The following LRRTM4 variants were observed in gnomAD, a reference collection of about 807,000 sequenced individuals.
The protein encoded by LRRTM4 is leucine-rich repeat transmembrane neuronal protein 4.
A neutral mutation model predicts 47.6 loss-of-function variants in LRRTM4; 25 were observed. The observed-to-expected ratio is 0.53, with a 90% CI of 0.38 to 0.73. The LOEUF is 0.73. Ranked by LOEUF, LRRTM4 falls within the 30% of genes least tolerant of loss-of-function variation. LRRTM4 has a pLI of 0.00. For synonymous variants in LRRTM4, 311 were observed against 269.5 expected, an observed-to-expected ratio of 1.15 and a Z score of -1.51; for missense variants, 638 against 713.4, an observed-to-expected ratio of 0.89 and a Z score of 1.20.
At chr2:76,802,722 G>T (rs1254392063) in intron 3 of LRRTM4, among the ~76,000 whole-genome samples, 1 of 151,990 alleles carries the variant, frequency 6.6e-6, no homozygotes, top group African/African-American at 2.4e-5. Context: ...ATACTACAAA[G>T]CTATACTAAT....
chr2:76,808,175 G>A (rs992047366), intron 3 of LRRTM4, among the ~76,000 whole-genome samples: 5 of 151,128 alleles, frequency 3.3e-5, no homozygotes, highest in African/African-American at 7.3e-5. Flanking sequence ...CGCCCGCCAC[G>A]ACGCCAGGCT....
chr2:77,199,341 GC>G (rs1244644784), intron 3 of LRRTM4, among the ~76,000 whole-genome samples: 1 of 152,018 alleles, frequency 6.6e-6, no homozygotes, highest in East Asian at 1.9e-4. Context: ...GTCAAGAATT[GC>G]CCCAAATCAA....
At chr2:77,062,624 G>A (rs577208705) in intron 3 of LRRTM4, among the ~76,000 whole-genome samples, 17 of 152,288 alleles carry the variant, frequency 1.1e-4, no homozygotes, top group African/African-American at 3.8e-4. Flanking sequence ...CTAGAATAGA[G>A]GAGGAGAGGC....
chr2:76,783,867 G>C (rs1027136241), intron 3 of LRRTM4, among the ~76,000 whole-genome samples: 1 of 152,070 alleles, frequency 6.6e-6, no homozygotes, highest in Non-Finnish European at 1.5e-5. Flanking sequence ...AGAGTAAGAT[G>C]GGAGAAGAAT....
chr2:77,131,150 A>G (rs1000566283), intron 3 of LRRTM4, among the ~76,000 whole-genome samples: 34 of 151,912 alleles, frequency 2.2e-4, no homozygotes, highest in Non-Finnish European at 4.3e-4. Flanking sequence ...TATTTTTATT[A>G]TTATTTTATT....
intron 3 of LRRTM4, among the ~76,000 whole-genome samples, chr2:77,444,950 T>TACAC (rs61072638): frequency 1.8e-5 from 2 of 110,430 alleles, no homozygotes; most frequent in Admixed American, 8.9e-5. Context: ...CACACACACA[T>TACAC]ACACACACAC....
chr2:76,918,248 G>A (rs990707721), intron 3 of LRRTM4, among the ~76,000 whole-genome samples: 1 of 151,970 alleles, frequency 6.6e-6, no homozygotes, highest in Non-Finnish European at 1.5e-5. Flanking sequence ...TGCTAAAAAA[G>A]GATTAAAATC....
chr2:77,325,879 T>A (rs1194175330), intron 3 of LRRTM4, among the ~76,000 whole-genome samples: 1 of 152,156 alleles, frequency 6.6e-6, no homozygotes, highest in Non-Finnish European at 1.5e-5. Context: ...CAGGACACAT[T>A]ATCCCAAATA....
intron 3 of LRRTM4, among the ~76,000 whole-genome samples, chr2:77,206,612 G>A (rs1674134269): frequency 6.6e-6 from 1 of 151,968 alleles, no homozygotes. Flanking sequence ...AGCCTCCCGA[G>A]TAGCTGGGAC....
At chr2:77,258,433 A>G (rs1480731787) in intron 3 of LRRTM4, among the ~76,000 whole-genome samples, 1 of 152,044 alleles carries the variant, frequency 6.6e-6, no homozygotes, top group African/African-American at 2.4e-5. Flanking sequence ...ATAGAACTAT[A>G]ATCACATTTT....
intron 3 of LRRTM4, among the ~76,000 whole-genome samples, chr2:76,854,195 T>C (rs1449378638): frequency 6.6e-6 from 1 of 152,138 alleles, no homozygotes; most frequent in Non-Finnish European, 1.5e-5. Flanking sequence ...TTATCCACTG[T>C]TAGAAATTTA....
chr2:76,968,055 T>C (rs1676086790), intron 3 of LRRTM4, among the ~76,000 whole-genome samples: 1 of 151,294 alleles, frequency 6.6e-6, no homozygotes, highest in African/African-American at 2.4e-5. Context: ...AAGGTATAAG[T>C]AAGCAAAATG....
At chr2:77,223,059 A>T (rs1288405883) in intron 3 of LRRTM4, among the ~76,000 whole-genome samples, 1 of 152,216 alleles carries the variant, frequency 6.6e-6, no homozygotes, top group East Asian at 1.9e-4. Context: ...CAACATACGA[A>T]AATCAATAAA....
intron 3 of LRRTM4, among the ~76,000 whole-genome samples, chr2:77,463,688 C>G (rs1024676480): frequency 3.3e-5 from 5 of 152,030 alleles, no homozygotes; most frequent in South Asian, 2.1e-4. Context: ...TTACATTCCT[C>G]CTAGTTCAAC....
chr2:76,933,494 G>A (rs1183008788), intron 3 of LRRTM4, among the ~76,000 whole-genome samples: 1 of 151,992 alleles, frequency 6.6e-6, no homozygotes, highest in Non-Finnish European at 1.5e-5. Context: ...TAGAATTGGG[G>A]TATGTAAAAA....
In LRRTM4 at chr2:77,310,904, TGA is replaced by T. The variant is rs150190321; in HGVS notation, c.1551+207412_1551+207413del. 8.0e-3 allele frequency among the ~76,000 whole-genome samples: 1,215 copies of T among 152,100 alleles called. 12 individuals carry two copies. The highest frequency in any genetic ancestry group is 0.028 in the African/African-American group (1,162 of 41,466). On this transcript the variant is annotated intron_variant, in intron 3 of 3. Coordinates refer to ENST00000409884, the MANE Select transcript of LRRTM4 (RefSeq NM_001134745.3). Reference sequence around the variant, plus strand: ...ATATTGTGAGTGTGGTGTGTGTGTGTGAGATATATTTACACACATACACACAC... The same window carrying T: ...ATATTGTGAGTGTGGTGTGTGTGTGTGATATATTTACACACATACACACAC...
intron 3 of LRRTM4, among the ~76,000 whole-genome samples, chr2:76,825,816 C>G (rs1191037853): frequency 6.6e-6 from 1 of 151,308 alleles, no homozygotes; most frequent in Non-Finnish European, 1.5e-5. Context: ...AGAGGTTAGT[C>G]AAAGGGAAAG....
At chr2:77,480,783 G>GCTGT (rs199521864) in intron 3 of LRRTM4, among the ~76,000 whole-genome samples, 1 of 97,056 alleles carries the variant, frequency 1.0e-5, no homozygotes, top group African/African-American at 4.1e-5. Flanking sequence ...GGCTGTTTTA[G>GCTGT]GAGTGTGTGT....
At chr2:77,039,342 A>G (rs1451760527) in intron 3 of LRRTM4, among the ~76,000 whole-genome samples, 1 of 148,930 alleles carries the variant, frequency 6.7e-6, no homozygotes, top group African/African-American at 2.5e-5. Flanking sequence ...TTTTTTTTAA[A>G]TGAAGGCAAA....
Sources: allele counts gnomAD v4.1 joint callset (sites outside exome capture counted in the v4.1 genomes callset), GRCh38; gene constraint gnomAD v4.1.1; transcripts MANE v1.5; gene names NCBI Gene and HGNC (gene_info 2026-07-23, HGNC 2026-07-21).